The following EPHA6 variants were observed in gnomAD, a reference collection of about 807,000 sequenced individuals.
EPHA6 encodes EPH receptor A6.
A neutral mutation model predicts 112.0 loss-of-function variants in EPHA6; 50 were observed. The ratio of observed to expected loss-of-function variants is 0.45; its 90% CI spans 0.36 to 0.56. The LOEUF (loss-of-function observed/expected upper bound fraction) is 0.56, where lower values mean the gene tolerates loss of function less well. EPHA6 is among the 20% of genes least tolerant of loss of function. EPHA6 has a pLI of 0.00. For synonymous variants in EPHA6, 529 were observed against 490.7 expected, an observed-to-expected ratio of 1.08 and a Z score of -1.03; for missense variants, 1,280 against 1,417.4, an observed-to-expected ratio of 0.90 and a Z score of 1.56.
intron 11 of EPHA6, among the ~76,000 whole-genome samples, chr3:97,576,267 T>C (rs2093383603): frequency 6.9e-6 from 1 of 145,488 alleles, no homozygotes; most frequent in Non-Finnish European, 1.5e-5. Context: ...TTCCAGATTT[T>C]GTAAAAAGTT....
chr3:97,490,192 G>T (rs1256703625), intron 10 of EPHA6, among the ~76,000 whole-genome samples: 1 of 151,926 alleles, frequency 6.6e-6, no homozygotes, highest in Non-Finnish European at 1.5e-5. Context: ...TGTTTATCTG[G>T]TTGCCAACAA....
At chr3:97,443,023 T>C (rs975539003) in intron 6 of EPHA6, among the ~76,000 whole-genome samples, 2 of 152,146 alleles carry the variant, frequency 1.3e-5, no homozygotes, top group Non-Finnish European at 2.9e-5. Flanking sequence ...GGCCCTGCAA[T>C]TCTTGATTTA....
intron 12 of EPHA6, among the ~76,000 whole-genome samples, chr3:97,601,204 G>C (rs780131774): frequency 2.0e-5 from 3 of 152,100 alleles, no homozygotes; most frequent in Non-Finnish European, 4.4e-5. Flanking sequence ...ACTTTCAAAA[G>C]ATGCATTCAA....
chr3:97,385,633 T>G (rs947416517), intron 5 of EPHA6, among the ~76,000 whole-genome samples: 2 of 152,120 alleles, frequency 1.3e-5, no homozygotes, highest in Admixed American at 1.3e-4. Flanking sequence ...ATTCTCAAAC[T>G]ACTATAAAGA....
At chr3:97,679,603 G>A (rs1156836272) in intron 14 of EPHA6, among the ~76,000 whole-genome samples, 14 of 152,182 alleles carry the variant, frequency 9.2e-5, no homozygotes, top group African/African-American at 1.7e-4. Flanking sequence ...CTAGTCAATC[G>A]TTTGTTTTTA....
chr3:97,625,681 G>A (rs2093850200), intron 13 of EPHA6, among the ~76,000 whole-genome samples: 1 of 151,564 alleles, frequency 6.6e-6, no homozygotes. Flanking sequence ...CATATATTTT[G>A]ATGGTCTGTT....
intron 3 of EPHA6, among the ~76,000 whole-genome samples, chr3:97,066,141 G>A (rs1299362356): frequency 6.6e-6 from 1 of 151,938 alleles, no homozygotes; most frequent in East Asian, 1.9e-4. Flanking sequence ...CAAGGAGGGG[G>A]TACACCTAGT....
At chr3:97,005,268 T>G (rs2043833838) in intron 3 of EPHA6, among the ~76,000 whole-genome samples, 1 of 152,192 alleles carries the variant, frequency 6.6e-6, no homozygotes, top group African/African-American at 2.4e-5. Flanking sequence ...TTTTCCCATT[T>G]GTTTATGTTC....
intron 3 of EPHA6, among the ~76,000 whole-genome samples, chr3:97,021,698 T>C (rs1040747634): frequency 6.6e-6 from 1 of 152,244 alleles, no homozygotes; most frequent in Non-Finnish European, 1.5e-5. Context: ...CTCTTCTTCT[T>C]ATCAGGACAA....
At chr3:97,130,958 T>G (rs2048320939) in intron 3 of EPHA6, among the ~76,000 whole-genome samples, 1 of 152,142 alleles carries the variant, frequency 6.6e-6, no homozygotes, top group Admixed American at 6.6e-5. Context: ...TTCTGTGCCA[T>G]TTAATTGACA....
intron 3 of EPHA6, among the ~76,000 whole-genome samples, chr3:97,137,465 A>G (rs1450858808): frequency 6.6e-6 from 1 of 152,162 alleles, no homozygotes; most frequent in Non-Finnish European, 1.5e-5. Context: ...TGTAAAATGG[A>G]TATCATAATT....
intron 3 of EPHA6, among the ~76,000 whole-genome samples, chr3:97,174,887 C>G (rs1368001278): frequency 6.6e-6 from 1 of 151,590 alleles, no homozygotes; most frequent in Non-Finnish European, 1.5e-5. Flanking sequence ...CCGTGAAGAG[C>G]CTTTTCAACT....
chr3:97,097,599 A>C (rs1240078928), intron 3 of EPHA6, among the ~76,000 whole-genome samples: 1 of 151,758 alleles, frequency 6.6e-6, no homozygotes, highest in Non-Finnish European at 1.5e-5. Flanking sequence ...GTATAGCTTT[A>C]TATAAAAGAT....
intron 5 of EPHA6, among the ~76,000 whole-genome samples, chr3:97,246,643 A>G (rs2078994708): frequency 6.6e-6 from 1 of 151,676 alleles, no homozygotes; most frequent in Non-Finnish European, 1.5e-5. Flanking sequence ...AGATATAAAT[A>G]TTAAAATAAT....
chr3:97,534,582 A>C (rs2092737802), intron 11 of EPHA6, among the ~76,000 whole-genome samples: 1 of 151,894 alleles, frequency 6.6e-6, no homozygotes, highest in African/African-American at 2.4e-5. Flanking sequence ...TCTGCCTTTC[A>C]GAATAGGAAA....
chr3:97,045,769 T>C (rs1241543103), intron 3 of EPHA6, among the ~76,000 whole-genome samples: 2 of 152,090 alleles, frequency 1.3e-5, no homozygotes, highest in Non-Finnish European at 2.9e-5. Context: ...GATTATGTGT[T>C]TGTCAGCAAT....
At chr3:97,086,798 T>C (rs539035738) in intron 3 of EPHA6, among the ~76,000 whole-genome samples, 37 of 152,298 alleles carry the variant, frequency 2.4e-4, no homozygotes, top group South Asian at 1.9e-3. Flanking sequence ...CTGATGAATA[T>C]ATTTTAATGA....
At chr3:97,503,105 T>G (rs1370140119) in intron 10 of EPHA6, among the ~76,000 whole-genome samples, 1 of 151,960 alleles carries the variant, frequency 6.6e-6, no homozygotes, top group African/African-American at 2.4e-5. Context: ...ATAAACAGCT[T>G]TGTTACAATA....
At position 96,938,236 on chromosome 3, in the gene EPHA6, A is replaced by G. The variant is rs372676494; in HGVS notation, c.451-49094A>G. On this transcript the variant is annotated intron_variant, in intron 2 of 17. Coordinates refer to ENST00000389672, the MANE Select transcript of EPHA6 (RefSeq NM_001080448.3). ...TTCACGATATTGATTCTTCCAACCCATGAGCATGGAATGTTTTTCCATTTC... is the reference window on the plus strand; with the variant it reads ...TTCACGATATTGATTCTTCCAACCCGTGAGCATGGAATGTTTTTCCATTTC... 5.3e-5 allele frequency among the ~76,000 whole-genome samples: 8 copies of G among 152,206 alleles called. No individual in the cohort carries two copies. The East Asian group carries it at 1.3e-3, about 26-fold the overall frequency.
Sources: allele counts gnomAD v4.1 joint callset (sites outside exome capture counted in the v4.1 genomes callset), GRCh38; gene constraint gnomAD v4.1.1; transcripts MANE v1.5; gene names NCBI Gene and HGNC (gene_info 2026-07-23, HGNC 2026-07-21).